Variants in PRDX3 observed in about 807,000 individuals in gnomAD.
PRDX3 encodes the protein thioredoxin-dependent peroxide reductase, mitochondrial.
PRDX3 carries 20 observed loss-of-function variants against 30.4 expected under a neutral mutation model. The observed-to-expected ratio is 0.66, with a 90% CI of 0.46 to 0.96. The LOEUF (loss-of-function observed/expected upper bound fraction) is 0.96, where lower values mean the gene tolerates loss of function less well. Ranked by LOEUF, PRDX3 falls within the 40% of genes least tolerant of loss-of-function variation. The pLI is 0.00. For synonymous variants in PRDX3, 124 were observed against 117.8 expected (o/e 1.05, Z -0.34); for missense variants, 322 against 318.3 (o/e 1.01, Z -0.09).
At chr10:119,176,736 A>C (rs1848036616) in intron 2 of PRDX3, among the ~76,000 whole-genome samples, 1 of 152,078 alleles carries the variant, frequency 6.6e-6, no homozygotes, top group South Asian at 2.1e-4. Context: ...TCCCAGTAAC[A>C]CCCTCCTCAA....
At chr10:119,173,033 G>C (rs910510209) in intron 4 of PRDX3, among the ~76,000 whole-genome samples, 1 of 152,124 alleles carries the variant, frequency 6.6e-6, no homozygotes, top group South Asian at 2.1e-4. Flanking sequence ...CCGCCTCCTG[G>C]GTTCAAGCGA....
chr10:119,175,945 A>T (rs1265341627), intron 2 of PRDX3, among the ~76,000 whole-genome samples: 1 of 150,980 alleles, frequency 6.6e-6, no homozygotes, highest in African/African-American at 2.4e-5. Flanking sequence ...CACCCGGCTT[A>T]TTTTTTTTAA....
intron 1 of PRDX3, 21 bp downstream of exon 1, chr10:119,178,734 C>G: frequency 1.3e-6 from 2 of 1,551,154 alleles, no homozygotes; most frequent in Non-Finnish European, 1.7e-6. Context: ...CCACGCCTGT[C>G]CCCAGCCGAC....
intron 2 of PRDX3, among the ~76,000 whole-genome samples, chr10:119,175,293 G>C (rs1300099765): frequency 6.6e-6 from 1 of 152,228 alleles, no homozygotes; most frequent in Non-Finnish European, 1.5e-5. Flanking sequence ...TGAGAACAGA[G>C]AGTGTCTAAG....
At chr10:119,169,095 T>C (rs1371959934) in intron 6 of PRDX3, 82 bp downstream of exon 6, 2 of 1,459,654 alleles carry the variant, frequency 1.4e-6, no homozygotes, top group Non-Finnish European at 9.4e-7. Flanking sequence ...AAGAGTGGGC[T>C]CCCTTTTGTG....
rs34798140 is a variant in PRDX3, at chr10:119,174,007, G to A, written c.312-135C>T. 428 of 777,136 alleles carry A rather than the reference G, an allele frequency of 5.5e-4. 2 individuals carry two copies. In the African/African-American group the frequency reaches 5.5e-3, roughly 10 times the overall value. The allele number at this position is 777,136 out of a possible 1,614,324, so 48.1% of individuals were successfully genotyped here. On this transcript the variant is annotated intron_variant, in intron 3 of 6. Coordinates refer to ENST00000298510, the MANE Select transcript of PRDX3 (RefSeq NM_006793.5). The stretch of plus-strand genomic sequence containing the variant: ...TTTACCATCCTCACTGGACTATAGT[G>A]TTGTGCTGGCAAAAGTACTACTACC...
In PRDX3 at chr10:119,178,793, T is replaced by G; in HGVS notation, c.-3A>C. 6.4e-7 allele frequency: 1 copy of G among 1,552,584 alleles called. No homozygotes were observed. Among genetic ancestry groups the G allele is most frequent in the Non-Finnish European group, 8.7e-7 (1 of 1,148,034 alleles). On this transcript the variant is annotated 5_prime_UTR_variant, in exon 1 of 7. Transcript: ENST00000298510. ...AACCGTCCTACAGCAGCCGCCATCT[T>G]CAGTGCACTCGGGCGCCACGGGGCG...
intron 5 of PRDX3, among the ~76,000 whole-genome samples, chr10:119,171,257 G>A (rs1248250259): frequency 6.6e-6 from 1 of 151,952 alleles, no homozygotes; most frequent in African/African-American, 2.4e-5. Context: ...GACCAGGATG[G>A]TCTCGATCTC....
intron 4 of PRDX3, among the ~76,000 whole-genome samples, chr10:119,173,464 C>T (rs1389477913): frequency 1.3e-5 from 2 of 151,956 alleles, no homozygotes; most frequent in Non-Finnish European, 2.9e-5. Context: ...ACAAAATTAG[C>T]CAGGGGTGGT....
At chr10:119,178,424 C>T (rs189939554) in intron 1 of PRDX3, among the ~76,000 whole-genome samples, 1 of 152,346 alleles carries the variant, frequency 6.6e-6, no homozygotes, top group East Asian at 1.9e-4. Context: ...ATCTTAAGTA[C>T]ACAGTCTGAG....
At position 119,167,847 on chromosome 10, in the gene PRDX3, C is replaced by T. The variant is rs758188478; in HGVS notation, c.*633G>A. 3 of 152,152 alleles carry T rather than the reference C, an allele frequency of 2.0e-5. No individual in the cohort carries two copies. Among genetic ancestry groups the T allele is most frequent in the Non-Finnish European group, 2.9e-5 (2 of 68,040 alleles). 9.4% of individuals were successfully genotyped at this position (152,152 alleles called of 1,614,324 possible). ...TATAATCGATTACACTAATCAATAT[C>T]TAGAAATATACATAGACAAAGTTAG... is the stretch of plus-strand genomic sequence containing the variant. On this transcript the variant is annotated 3_prime_UTR_variant, in exon 7 of 7. Transcript: ENST00000298510.
chr10:119,177,284 G>A (rs1848057942), intron 1 of PRDX3, 131 bp from the exon 2 acceptor site: 2 of 839,340 alleles, frequency 2.4e-6, no homozygotes, highest in Non-Finnish European at 3.8e-6. Context: ...AACTCTAAGA[G>A]CATGGATTGG....
intron 4 of PRDX3, 143 bp downstream of exon 4, chr10:119,173,594 A>G: frequency 1.1e-6 from 1 of 938,020 alleles, no homozygotes; most frequent in Admixed American, 2.9e-5. Context: ...GGGCAACAAG[A>G]GTGAAGCTCC....
At chr10:119,169,964 G>C (rs767484228) in intron 5 of PRDX3, 7 of 152,334 alleles carry the variant, frequency 4.6e-5, no homozygotes, top group Non-Finnish European at 7.3e-5. Context: ...GACAGATGCA[G>C]ATATGTTTAG....
In PRDX3 at chr10:119,177,127, A is replaced by C; in HGVS notation, c.63T>G (p.Pro21=). 6.2e-7 allele frequency: 1 copy of C among 1,613,518 alleles called. No individual in the cohort carries two copies. Among genetic ancestry groups the C allele is most frequent in the Non-Finnish European group, 8.5e-7 (1 of 1,179,880 alleles). ...ASVARHVSAI[P]WGISATAALR... Reference sequence around the variant, plus strand: ...GGGCTGCAGTGGCAGAAATGCCCCAAGGAATGGCACTCACATGTCGGGCAA... The same window carrying C: ...GGGCTGCAGTGGCAGAAATGCCCCACGGAATGGCACTCACATGTCGGGCAA... Residue 21 remains proline (P), a synonymous_variant, in exon 2 of 7, where the codon CCT becomes CCG. Coordinates refer to ENST00000298510, the MANE Select transcript of PRDX3 (RefSeq NM_006793.5).
intron 2 of PRDX3, among the ~76,000 whole-genome samples, 155 bp downstream of exon 2, chr10:119,176,866 A>C (rs2133665194): frequency 6.6e-6 from 1 of 152,344 alleles, no homozygotes; most frequent in East Asian, 1.9e-4. Context: ...CTCACCCCAC[A>C]GACTAACTTG....
rs1442689386 is a variant in PRDX3, at chr10:119,172,457, G to A, written c.476C>T (p.Ala159Val). The A allele has an allele frequency of 1.2e-6, 2 of 1,614,138 alleles. No homozygotes were observed. The highest frequency in any genetic ancestry group is 1.3e-5 in the African/African-American group (1 of 75,064). ...KNGGLGHMNI[A>V]LLSDLTKQIS... is the part of the protein sequence containing the mutation. ...CTGCTTAGTTAAGTCTGACAAGAGTGCGATGTTCATGTGGCCCAAACCACC... is the reference window on the plus strand; with the variant it reads ...CTGCTTAGTTAAGTCTGACAAGAGTACGATGTTCATGTGGCCCAAACCACC... The change falls in exon 5 of 7, where the codon GCA becomes GTA. Residue 159 changes from alanine (A) to valine (V), a missense_variant. Ala to Val is a moderately conservative substitution (Grantham distance 64). Coordinates refer to ENST00000298510, the MANE Select transcript of PRDX3 (RefSeq NM_006793.5).
chr10:119,175,008 T>C (rs1847993957), intron 2 of PRDX3, among the ~76,000 whole-genome samples: 1 of 152,226 alleles, frequency 6.6e-6, no homozygotes, highest in South Asian at 2.1e-4. Context: ...TATTTTCGAT[T>C]CAACCAACCA....
Position 119,169,322 on chromosome 10 carries a change from G to C in PRDX3, c.572C>G (p.Pro191Arg). Residue 191 changes from proline to arginine, a missense_variant, in exon 6 of 7, where the codon CCC (proline) becomes CGC (arginine). Pro to Arg is a moderately radical substitution (Grantham distance 103, BLOSUM62 -2). Coordinates refer to ENST00000298510, the MANE Select transcript of PRDX3 (RefSeq NM_006793.5). ...GCTCAAATGCTTGATGACTCCATTG[G>C]GGTCAATTATGAAGAGACCTCTGCA... ...LALRGLFIID[P>R]NGVIKHLSVN... 6.2e-7 allele frequency: 1 copy of C among 1,613,858 alleles called. No individual in the cohort carries two copies. Among genetic ancestry groups the C allele is most frequent in the African/African-American group, 1.3e-5 (1 of 74,988 alleles).
Sources: allele counts gnomAD v4.1 joint callset (sites outside exome capture counted in the v4.1 genomes callset), GRCh38; gene constraint gnomAD v4.1.1; transcripts MANE v1.5; gene names NCBI Gene and HGNC (gene_info 2026-07-23, HGNC 2026-07-21).